The following CDC5L variants were observed in gnomAD, a reference collection of about 807,000 sequenced individuals.
CDC5L encodes the protein cell division cycle 5-like protein.
CDC5L carries 18 observed loss-of-function variants against 104.1 expected under a neutral mutation model. The observed-to-expected ratio is 0.17, with a 90% CI of 0.12 to 0.26. The LOEUF is 0.26. CDC5L is among the 10% of genes least tolerant of loss of function. The pLI, the probability that CDC5L is intolerant of heterozygous loss-of-function variation, is 1.00. For synonymous variants in CDC5L, 331 were observed against 322.7 expected, an observed-to-expected ratio of 1.03 and a Z score of -0.28; for missense variants, 673 against 956.9, an observed-to-expected ratio of 0.70 and a Z score of 3.91.
intron 14 of CDC5L, among the ~76,000 whole-genome samples, chr6:44,430,459 T>G (rs942316975): frequency 2.7e-5 from 4 of 149,114 alleles, no homozygotes; most frequent in Non-Finnish European, 4.4e-5. Context: ...AGATGCAGTT[T>G]CAGGACATGT....
Position 44,424,543 on chromosome 6 carries a change from C to A in CDC5L, c.1529C>A (p.Thr510Asn), listed in dbSNP as rs1792332967. Residue 510 changes from threonine (T) to asparagine (N), a missense_variant, in exon 11 of 16, where the codon ACT becomes AAT. Physicochemically the swap from Thr to Asn is moderately conservative, Grantham distance 65. Transcript: ENST00000371477. ...CTGGAAGAACGTGAAATAGATGATA[C>A]TTACATTGAAGATGCTGCTGATGTG... ...KELEEREIDD[T>N]YIEDAADVDA... The A allele has an allele frequency of 6.2e-7, 1 of 1,613,828 alleles. No individual in the cohort carries two copies. The highest frequency in any genetic ancestry group is 1.7e-5 in the Admixed American group (1 of 59,964).
At chr6:44,412,899 C>T (rs892844553) in intron 8 of CDC5L, among the ~76,000 whole-genome samples, 5 of 148,798 alleles carry the variant, frequency 3.4e-5, no homozygotes, top group East Asian at 2.0e-4. Flanking sequence ...TCTCCTGCCT[C>T]AGCCTCCCAA....
intron 8 of CDC5L, 76 bp downstream of exon 8, chr6:44,408,708 G>T: frequency 9.1e-7 from 1 of 1,103,174 alleles, no homozygotes; most frequent in Non-Finnish European, 1.3e-6. Flanking sequence ...AGAACTAAGC[G>T]GTTTGGTTGT....
In CDC5L at chr6:44,446,857, CATT is replaced by C; in HGVS notation, c.*147_*149del. ...TATTTTAAATGATATCGATCTTACA[CATT>C]CTGTGTATAAAGACCTTAACTCCAC... On this transcript the variant is annotated 3_prime_UTR_variant, in exon 16 of 16. Coordinates refer to ENST00000371477, the MANE Select transcript of CDC5L (RefSeq NM_001253.4). 1 of 488,762 alleles carries C rather than the reference CATT, an allele frequency of 2.0e-6. No individual in the cohort carries two copies. The allele number at this position is 488,762 out of a possible 1,614,324, so 30.3% of individuals were successfully genotyped here.
chr6:44,389,407 G>T (rs927159891), intron 1 of CDC5L, among the ~76,000 whole-genome samples: 2 of 152,162 alleles, frequency 1.3e-5, no homozygotes, highest in African/African-American at 4.8e-5. Context: ...ATGGAGTGGG[G>T]TATCTCAAGA....
chr6:44,416,292 C>T (rs1162932969), intron 8 of CDC5L, among the ~76,000 whole-genome samples: 1 of 152,136 alleles, frequency 6.6e-6, no homozygotes, highest in Admixed American at 6.5e-5. Context: ...TGGAGTGAGT[C>T]ATAGCTTACA....
At chr6:44,435,125 TA>T (rs1192623440) in intron 14 of CDC5L, among the ~76,000 whole-genome samples, 25 of 149,456 alleles carry the variant, frequency 1.7e-4, no homozygotes, top group African/African-American at 5.9e-4. Context: ...TTTTTTTTTT[TA>T]AATGTTTGGA....
chr6:44,409,641 A>G (rs572906965), intron 8 of CDC5L, among the ~76,000 whole-genome samples: 3 of 152,316 alleles, frequency 2.0e-5, no homozygotes, highest in African/African-American at 7.2e-5. Flanking sequence ...TCAACTCTAG[A>G]CTACGCTGGC....
intron 8 of CDC5L, among the ~76,000 whole-genome samples, chr6:44,409,953 GATAAGGAAAAATTGTATCTATTTA>G (rs1281026492): frequency 6.7e-6 from 1 of 149,814 alleles, no homozygotes; most frequent in Non-Finnish European, 1.5e-5. Context: ...TTTTTTCATT[GATAAGGAAAAATTGTATCTATTTA>G]TGGTGTACAG....
intron 8 of CDC5L, among the ~76,000 whole-genome samples, chr6:44,417,067 CT>C (rs1177412849): frequency 6.6e-6 from 1 of 152,170 alleles, no homozygotes; most frequent in Admixed American, 6.5e-5. Flanking sequence ...TTTTACTATG[CT>C]TATGACTTCT....
Position 44,437,962 on chromosome 6 carries a change from T to G in CDC5L, c.2092-7693T>G, listed in dbSNP as rs76793560. ...TTAGAACATGCTGAATTGTTTTACT[T>G]TTTTGGAGACAGGGTCTTTCTCTGT... On this transcript the variant is annotated intron_variant, in intron 14 of 15. Transcript: ENST00000371477. Among the ~76,000 whole-genome samples the G allele has an allele frequency of 3.3e-3, 496 of 152,310 alleles. 3 individuals carry two copies. The highest frequency in any genetic ancestry group is 0.011 in the African/African-American group (458 of 41,544).
At chr6:44,441,258 C>T (rs2153384003) in intron 14 of CDC5L, among the ~76,000 whole-genome samples, 1 of 152,312 alleles carries the variant, frequency 6.6e-6, no homozygotes, top group Middle Eastern at 3.4e-3. Context: ...GCTTTCTGTG[C>T]CTGGCTTATC....
At chr6:44,429,965 C>T in intron 14 of CDC5L, 55 bp downstream of exon 14, 1 of 1,356,162 alleles carries the variant, frequency 7.4e-7, no homozygotes, top group Non-Finnish European at 1.0e-6. Flanking sequence ...AGATAATGAA[C>T]TAAATAATGC....
Position 44,419,463 on chromosome 6 carries a change from C to T in CDC5L, c.1107C>T (p.Leu369=). The T allele has an allele frequency of 6.2e-7, 1 of 1,614,082 alleles. No homozygotes were observed. The highest frequency in any genetic ancestry group is 8.5e-7 in the Non-Finnish European group (1 of 1,179,982). The change falls in exon 9 of 16, where the codon CTC becomes CTT. Residue 369 remains leucine, a synonymous_variant. Transcript: ENST00000371477. The part of the protein sequence containing the change: ...QDRILQEAQN[L]MALTNVDTPL... ...TTGTTAATCAGGAAGCCCAGAACCT[C>T]ATGGCCCTCACCAATGTGGACACCC...
At chr6:44,413,435 A>T (rs1215342566) in intron 8 of CDC5L, among the ~76,000 whole-genome samples, 1 of 152,168 alleles carries the variant, frequency 6.6e-6, no homozygotes, top group East Asian at 1.9e-4. Context: ...GACTGTTAGG[A>T]ATAATGCTGC....
chr6:44,423,613 T>C (rs1308298373), intron 10 of CDC5L, among the ~76,000 whole-genome samples: 1 of 152,182 alleles, frequency 6.6e-6, no homozygotes. Context: ...AGATGGAGAC[T>C]ACAATATGAG....
intron 14 of CDC5L, among the ~76,000 whole-genome samples, chr6:44,439,259 A>T (rs1050452222): frequency 3.9e-5 from 6 of 152,144 alleles, no homozygotes; most frequent in African/African-American, 1.4e-4. Context: ...TTATCAGTTG[A>T]TGGATATTTG....
At chr6:44,412,883 C>T (rs1190338266) in intron 8 of CDC5L, among the ~76,000 whole-genome samples, 1 of 145,860 alleles carries the variant, frequency 6.9e-6, no homozygotes, top group Non-Finnish European at 1.5e-5. Flanking sequence ...CCCGGGTTCA[C>T]GCCATTCTCC....
chr6:44,418,043 G>A (rs1371176081), intron 8 of CDC5L, among the ~76,000 whole-genome samples: 3 of 152,088 alleles, frequency 2.0e-5, no homozygotes, highest in African/African-American at 7.2e-5. Context: ...TGTGCACAAT[G>A]TGCAGGTCTG....
Sources: gnomAD v4.1 joint callset for allele counts (sites outside exome capture counted in the v4.1 genomes callset) on GRCh38, gnomAD v4.1.1 for gene constraint, MANE v1.5 for transcripts, NCBI Gene and HGNC (gene_info 2026-07-23, HGNC 2026-07-21) for gene names.